Variants in ALK observed in about 807,000 individuals in gnomAD.
ALK encodes ALK receptor tyrosine kinase.
Under a neutral mutation model 163.1 loss-of-function variants are expected in ALK, and 74 were observed. That is an observed-to-expected ratio of 0.45 (90% CI 0.38 to 0.55). The LOEUF (loss-of-function observed/expected upper bound fraction) is 0.55. Among genes scored for constraint, ALK ranks in the 20% least tolerant of loss-of-function variants. The probability of loss-of-function intolerance (pLI) is 0.00; values close to 1 mark genes in which losing one functional copy is unlikely to be tolerated. For missense variants in ALK, 2,063 were observed against 2,105.3 expected (o/e 0.98, Z 0.39); for synonymous variants, 960 against 843.2 (o/e 1.14, Z -2.40).
rs570490203 is a variant in ALK at position 29,629,829 on chromosome 2, T to C, written c.952+65021A>G. Among the ~76,000 whole-genome samples, 6 of 152,284 alleles carry C rather than the reference T, an allele frequency of 3.9e-5. No homozygotes were observed. The East Asian group carries it at 5.8e-4, about 15-fold the overall frequency. On this transcript the variant is annotated intron_variant, in intron 3 of 28. Transcript: ENST00000389048. ...CAGTAAGTCACACTGAGGCAGGTGA[T>C]AGATCTTTGAGGATTTGAATGCAGG...
chr2:29,633,541 A>T (rs1187860140), intron 3 of ALK, among the ~76,000 whole-genome samples: 2 of 151,962 alleles, frequency 1.3e-5, no homozygotes, highest in Non-Finnish European at 2.9e-5. Context: ...CAATAAACTA[A>T]TAGCAAGCAG....
At chr2:29,683,150 GA>G (rs1678127870) in intron 3 of ALK, among the ~76,000 whole-genome samples, 1 of 152,184 alleles carries the variant, frequency 6.6e-6, no homozygotes, top group African/African-American at 2.4e-5. Flanking sequence ...ACCGAGGCAG[GA>G]GGATCACTTG....
intron 4 of ALK, among the ~76,000 whole-genome samples, chr2:29,445,436 A>G (rs1670648250): frequency 6.6e-6 from 1 of 152,226 alleles, no homozygotes; most frequent in South Asian, 2.1e-4. Context: ...CAGGCTGGGT[A>G]ACGCTCTTCC....
intron 1 of ALK, among the ~76,000 whole-genome samples, chr2:29,911,411 G>C (rs1461462990): frequency 1.3e-5 from 2 of 152,210 alleles, no homozygotes; most frequent in East Asian, 3.9e-4. Context: ...AGGGTATGGA[G>C]GGAATCCCCA....
intron 3 of ALK, among the ~76,000 whole-genome samples, chr2:29,585,485 C>T (rs1171484154): frequency 6.6e-6 from 1 of 152,066 alleles, no homozygotes; most frequent in African/African-American, 2.4e-5. Flanking sequence ...TGCCACCACA[C>T]CTGGCTATTT....
At chr2:29,668,969 T>C (rs776079239) in intron 3 of ALK, among the ~76,000 whole-genome samples, 16 of 152,036 alleles carry the variant, frequency 1.1e-4, no homozygotes, top group Non-Finnish European at 2.1e-4. Flanking sequence ...CCTGCCCCCA[T>C]GATTCAATTA....
intron 3 of ALK, among the ~76,000 whole-genome samples, chr2:29,549,207 A>T (rs1340394066): frequency 6.6e-6 from 1 of 151,756 alleles, no homozygotes; most frequent in Non-Finnish European, 1.5e-5. Flanking sequence ...TGTGTCTTTC[A>T]TTGTGATGTG....
At chr2:29,649,511 T>C (rs537886038) in intron 3 of ALK, among the ~76,000 whole-genome samples, 6 of 152,196 alleles carry the variant, frequency 3.9e-5, no homozygotes, top group Admixed American at 6.5e-5. Context: ...AGGAGGGTGA[T>C]TGGGCCAGGA....
chr2:29,403,707 TACAAAAAA>T (rs1558309312), intron 4 of ALK, among the ~76,000 whole-genome samples: 1 of 17,184 alleles, frequency 5.8e-5, no homozygotes, highest in South Asian at 3.8e-3. Context: ...GACAGGTCTC[TACAAAAAA>T]AAAAAAAAAA....
intron 4 of ALK, among the ~76,000 whole-genome samples, chr2:29,456,880 A>C (rs961502248): frequency 6.6e-6 from 1 of 152,144 alleles, no homozygotes; most frequent in Admixed American, 6.5e-5. Flanking sequence ...AGAATATACA[A>C]TTTATACAGA....
intron 3 of ALK, among the ~76,000 whole-genome samples, chr2:29,656,131 T>G (rs531315547): frequency 1.3e-5 from 2 of 152,150 alleles, no homozygotes; most frequent in Non-Finnish European, 2.9e-5. Context: ...TCAAAATTCA[T>G]GGGACTGTAC....
chr2:29,728,176 G>A lies in ALK; in HGVS notation c.668-10479C>T, dbSNP rs564965544. 4.6e-5 allele frequency among the ~76,000 whole-genome samples: 7 copies of A among 152,192 alleles called. No individual in the cohort carries two copies. In the South Asian group the frequency reaches 6.2e-4, roughly 14 times the overall value. ...TACTTCATGTGTGCCTATTACACAC[G>A]GTGCCCAGCACCATACTGGGGGCTT... On this transcript the variant is annotated intron_variant, in intron 1 of 28. Coordinates refer to ENST00000389048, the MANE Select transcript of ALK (RefSeq NM_004304.5).
At chr2:29,522,406 T>C (rs1437723327) in intron 4 of ALK, among the ~76,000 whole-genome samples, 2 of 152,126 alleles carry the variant, frequency 1.3e-5, no homozygotes, top group African/African-American at 4.8e-5. Flanking sequence ...TTCCTCATTA[T>C]CATACAAATT....
intron 3 of ALK, among the ~76,000 whole-genome samples, chr2:29,544,574 GA>G: frequency 6.6e-6 from 1 of 151,900 alleles, no homozygotes; most frequent in East Asian, 1.9e-4. Context: ...AGAAATCATG[GA>G]AAAAAAGGAG....
chr2:29,726,820 A>G (rs977442209), intron 1 of ALK, among the ~76,000 whole-genome samples: 1 of 152,192 alleles, frequency 6.6e-6, no homozygotes, highest in Admixed American at 6.5e-5. Context: ...TTGGTAGTTA[A>G]CCTCTTTTAC....
intron 1 of ALK, among the ~76,000 whole-genome samples, chr2:29,886,005 C>T (rs192389337): frequency 6.6e-6 from 1 of 152,318 alleles, no homozygotes. Context: ...GCTCCTGCCA[C>T]CTCTGAGATA....
At chr2:29,260,777 C>T (rs1665065999) in intron 11 of ALK, among the ~76,000 whole-genome samples, 1 of 151,836 alleles carries the variant, frequency 6.6e-6, no homozygotes, top group African/African-American at 2.4e-5. Flanking sequence ...GAGGTTGCAG[C>T]GAGCTCAGAT....
intron 4 of ALK, among the ~76,000 whole-genome samples, chr2:29,518,925 C>T (rs1400797958): frequency 2.0e-5 from 3 of 152,186 alleles, no homozygotes; most frequent in Middle Eastern, 3.2e-3. Context: ...CATAGTACTA[C>T]TTCATAGGGA....
chr2:29,682,723 T>C (rs1678113597), intron 3 of ALK, among the ~76,000 whole-genome samples: 1 of 152,214 alleles, frequency 6.6e-6, no homozygotes, highest in Admixed American at 6.5e-5. Flanking sequence ...AATGTCTATC[T>C]ACTTTAGTGT....
Sources: allele counts gnomAD v4.1 joint callset (sites outside exome capture counted in the v4.1 genomes callset), GRCh38; gene constraint gnomAD v4.1.1; transcripts MANE v1.5; gene names NCBI Gene and HGNC (gene_info 2026-07-23, HGNC 2026-07-21).